The following IREB2 variants were observed in gnomAD, a reference collection of about 807,000 sequenced individuals.
IREB2 encodes the protein iron responsive element binding protein 2, also known as iron-responsive element-binding protein 2.
IREB2 carries 39 observed loss-of-function variants against 118.8 expected under a neutral mutation model. The ratio of observed to expected loss-of-function variants is 0.33; its 90% CI spans 0.25 to 0.43. The LOEUF is 0.43. Among genes scored for constraint, IREB2 ranks in the 20% least tolerant of loss-of-function variants. The pLI, the probability that IREB2 is intolerant of heterozygous loss-of-function variation, is 1.00. For synonymous variants in IREB2, 372 were observed against 392.2 expected (o/e 0.95, Z 0.61); for missense variants, 900 against 1,147.3 (o/e 0.78, Z 3.11).
chr15:78,494,047 A>G lies in IREB2; in HGVS notation c.2463A>G (p.Ser821=). 1 of 1,614,126 alleles carries G rather than the reference A, an allele frequency of 6.2e-7. No homozygotes were observed. The part of the protein sequence containing the change: ...KPAPKTIHFP[S]GQTLDVFEAA... ...CTCCTAAAACAATTCATTTTCCATC[A>G]GGACAGACGGTGAGAATGCAAACAA... The change falls in exon 19 of 22, where the codon TCA becomes TCG. Residue 821 remains serine (S), a synonymous_variant. Transcript: ENST00000258886.
At chr15:78,490,242 A>G (rs2051726657) in intron 16 of IREB2, among the ~76,000 whole-genome samples, 180 bp from the exon 17 acceptor site, 1 of 152,194 alleles carries the variant, frequency 6.6e-6, no homozygotes. Context: ...AAAAATTTAA[A>G]ATTTTTTAAA....
At chr15:78,467,324 A>G (rs2051300622) in intron 5 of IREB2, among the ~76,000 whole-genome samples, 1 of 152,216 alleles carries the variant, frequency 6.6e-6, no homozygotes. Flanking sequence ...GGAAAGTAGT[A>G]AACATGCCTA....
intron 2 of IREB2, among the ~76,000 whole-genome samples, chr15:78,449,595 A>C (rs1484425498): frequency 6.6e-6 from 1 of 152,228 alleles, no homozygotes; most frequent in Non-Finnish European, 1.5e-5. Context: ...AGTTAAATTT[A>C]AAATGTTAAA....
intron 2 of IREB2, among the ~76,000 whole-genome samples, chr15:78,461,272 G>C (rs1384654552): frequency 6.6e-6 from 1 of 152,152 alleles, no homozygotes; most frequent in Non-Finnish European, 1.5e-5. Flanking sequence ...ATTGAACTTT[G>C]TTCACAGTAA....
intron 2 of IREB2, among the ~76,000 whole-genome samples, chr15:78,452,836 G>T (rs984177386): frequency 4.6e-5 from 7 of 152,288 alleles, no homozygotes; most frequent in Admixed American, 3.9e-4. Context: ...ATGTATGTTG[G>T]CAGGAGGCAC....
rs748533979 is a variant in IREB2 at position 78,465,201 on chromosome 15, A to G, written c.273-50A>G. On this transcript the variant is annotated intron_variant, in intron 3 of 21. Transcript: ENST00000258886. ...TGAAAAAGTTTATCATTTATTAAGC[A>G]TGTATAAAAAACAATTTGGACTATA... The G allele has an allele frequency of 1.0e-5, 15 of 1,430,198 alleles. No homozygotes were observed. The African/African-American group carries it at 1.3e-4, about 12-fold the overall frequency. 88.6% of individuals were successfully genotyped at this position (1,430,198 alleles called of 1,614,324 possible).
chr15:78,467,872 T>C (rs776272605), intron 5 of IREB2, among the ~76,000 whole-genome samples: 1 of 152,180 alleles, frequency 6.6e-6, no homozygotes, highest in Non-Finnish European at 1.5e-5. Flanking sequence ...TGTTTTGTTT[T>C]GTTTTGAGAC....
At chr15:78,484,688 A>C in intron 11 of IREB2, 73 bp from the exon 12 acceptor site, 1 of 1,044,306 alleles carries the variant, frequency 9.6e-7, no homozygotes, top group East Asian at 2.4e-5. Context: ...GGTATCTGCT[A>C]TGTTTTCTGC....
chr15:78,490,589 A>C, intron 17 of IREB2, 30 bp from the exon 18 acceptor site: 4 of 1,612,054 alleles, frequency 2.5e-6, no homozygotes, highest in South Asian at 1.1e-5. Flanking sequence ...TCTTGTAAAG[A>C]GTTAAATGCC....
intron 2 of IREB2, among the ~76,000 whole-genome samples, chr15:78,461,035 A>G (rs1288917303): frequency 6.6e-6 from 1 of 152,150 alleles, no homozygotes; most frequent in Non-Finnish European, 1.5e-5. Context: ...TATCATGAAC[A>G]TTTATTAGTT....
chr15:78,489,502 A>G (rs1224280056), intron 16 of IREB2, among the ~76,000 whole-genome samples: 2 of 152,066 alleles, frequency 1.3e-5, no homozygotes, highest in Admixed American at 1.3e-4. Flanking sequence ...AATATTTATT[A>G]TTTTTTATTA....
rs141509511 is a variant in IREB2 at position 78,462,052 on chromosome 15, A to G, written c.107-870A>G. 9.0e-3 allele frequency among the ~76,000 whole-genome samples: 1,370 copies of G among 152,234 alleles called. 23 individuals are homozygous for G. Among genetic ancestry groups the G allele is most frequent in the African/African-American group, 0.031 (1,307 of 41,556 alleles). On this transcript the variant is annotated intron_variant, in intron 2 of 21. Coordinates refer to ENST00000258886, the MANE Select transcript of IREB2 (RefSeq NM_004136.4). ...TAAAATTATATTTCTCATAATACAC[A>G]TTTGATGATCTTATGTTTATTTTAA...
At chr15:78,463,539 A>G (rs1567169343) in intron 3 of IREB2, among the ~76,000 whole-genome samples, 1 of 151,860 alleles carries the variant, frequency 6.6e-6, no homozygotes, top group Non-Finnish European at 1.5e-5. Context: ...AGGTTAGTTT[A>G]TAAACTTAAA....
At position 78,488,250 on chromosome 15, in the gene IREB2, G is replaced by A. The variant is rs777437554; in HGVS notation, c.1865G>A (p.Arg622His). The A allele has an allele frequency of 3.2e-5, 51 of 1,612,028 alleles. No homozygotes were observed. The highest frequency in any genetic ancestry group is 6.7e-5 in the Admixed American group (4 of 59,442). Reference sequence around the variant, plus strand: ...GAAGGTCGTCTTTGTGATTGTGTTCGTGCCAATTATCTTGCCTCTCCACCC... The same window carrying A: ...GAAGGTCGTCTTTGTGATTGTGTTCATGCCAATTATCTTGCCTCTCCACCC... Reference protein sequence around the residue: ...NFEGRLCDCVRANYLASPPLV... With the variant: ...NFEGRLCDCVHANYLASPPLV... The change falls in exon 15 of 22, where the codon CGT becomes CAT. Residue 622 changes from arginine (R) to histidine (H), a missense_variant. Arg to His is a conservative substitution (Grantham distance 29). Coordinates refer to ENST00000258886, the MANE Select transcript of IREB2 (RefSeq NM_004136.4).
intron 11 of IREB2, among the ~76,000 whole-genome samples, chr15:78,484,322 A>G (rs890600939): frequency 1.4e-4 from 22 of 152,186 alleles, no homozygotes; most frequent in African/African-American, 5.3e-4. Flanking sequence ...TGTACCTGTC[A>G]ATTAGCTTCA....
rs578247931 is a variant in IREB2, at chr15:78,470,665, A to G, written c.699+64A>G. 1.4e-5 allele frequency: 7 copies of G among 514,132 alleles called. No homozygotes were observed. The African/African-American group carries it at 1.4e-4, about 11-fold the overall frequency. 31.8% of individuals were successfully genotyped at this position (514,132 alleles called of 1,614,324 possible). ...TAAACTAATGATAGGTACAATTTTT[A>G]TATCTTTGTTTCTTTTTCTTTTCCT... On this transcript the variant is annotated intron_variant, in intron 6 of 21. Coordinates refer to ENST00000258886, the MANE Select transcript of IREB2 (RefSeq NM_004136.4).
chr15:78,498,214 T>TA lies in IREB2; in HGVS notation c.*72dup. 1 of 816,940 alleles carries TA rather than the reference T, an allele frequency of 1.2e-6. No homozygotes were observed. The highest frequency in any genetic ancestry group is 2.5e-5 in the East Asian group (1 of 39,932). 50.6% of individuals were successfully genotyped at this position (816,940 alleles called of 1,614,324 possible). A position where few individuals can be genotyped will look rare whatever the true frequency, so the allele number is the denominator to read the frequency against. The stretch of plus-strand genomic sequence containing the variant: ...CTTTTGTGCTGGACCCAGGAATCCT[T>TA]ACCATGGAGCAGCAGATAGTCCCAG... On this transcript the variant is annotated 3_prime_UTR_variant, in exon 22 of 22. Coordinates refer to ENST00000258886, the MANE Select transcript of IREB2 (RefSeq NM_004136.4).
upstream of IREB2, chr15:78,438,215 C>G (rs1021975048): frequency 9.2e-6 from 7 of 762,760 alleles, no homozygotes; most frequent in East Asian, 1.1e-4. Context: ...GATATTTGCG[C>G]GAGCCTGCTT....
rs2051908349 is a variant in IREB2 at position 78,499,811 on chromosome 15, G to A, written c.*1668G>A. On this transcript the variant is annotated 3_prime_UTR_variant, in exon 22 of 22. Coordinates refer to ENST00000258886, the MANE Select transcript of IREB2 (RefSeq NM_004136.4). ...ATGAAATGCCTGTATGTGCTCTGAA[G>A]AAATGGTAATTCCAGATTGTGCAGG... is the stretch of plus-strand genomic sequence containing the variant. 1 of 152,188 alleles carries A rather than the reference G, an allele frequency of 6.6e-6. No individual in the cohort carries two copies. The highest frequency in any genetic ancestry group is 1.5e-5 in the Non-Finnish European group (1 of 68,042). 9.4% of individuals were successfully genotyped at this position (152,188 alleles called of 1,614,324 possible). A position where few individuals can be genotyped will look rare whatever the true frequency, so the allele number is the denominator to read the frequency against.
Sources: gnomAD v4.1 joint callset for allele counts (sites outside exome capture counted in the v4.1 genomes callset) on GRCh38, gnomAD v4.1.1 for gene constraint, MANE v1.5 for transcripts, NCBI Gene and HGNC (gene_info 2026-07-23, HGNC 2026-07-21) for gene names.